The following WDR5 variants were observed in gnomAD, a reference collection of about 807,000 sequenced individuals.
The protein encoded by WDR5 is WD repeat domain 5, also known as WD repeat-containing protein 5.
For synonymous variants in WDR5, 144 were observed against 161.6 expected (o/e 0.89, Z 0.83); for missense variants, 187 against 416.9 (o/e 0.45, Z 4.80).
chr9:134,143,427 G>C (rs1471574555), intron 7 of WDR5, among the ~76,000 whole-genome samples: 5 of 152,168 alleles, frequency 3.3e-5, no homozygotes, highest in African/African-American at 1.2e-4. Context: ...TGGAATCCCA[G>C]CTCCTGGGGA....
chr9:134,154,620 G>C (rs952032270), intron 10 of WDR5, 79 bp downstream of exon 10: 1 of 1,511,926 alleles, frequency 6.6e-7, no homozygotes, highest in African/African-American at 1.4e-5. Flanking sequence ...GTGAGCCTTT[G>C]GAGAGCGTGT....
chr9:134,143,909 C>T (rs564566694), intron 7 of WDR5, among the ~76,000 whole-genome samples: 1 of 152,040 alleles, frequency 6.6e-6, no homozygotes, highest in South Asian at 2.1e-4. Flanking sequence ...CACAAAGTGG[C>T]CAGAAAGTTC....
intron 9 of WDR5, 151 bp downstream of exon 9, chr9:134,152,180 A>G: frequency 1.1e-6 from 1 of 931,692 alleles, no homozygotes; most frequent in East Asian, 2.6e-5. Flanking sequence ...CCGTTCCGCC[A>G]GCTCCCCCTG....
intron 9 of WDR5, 92 bp from the exon 10 acceptor site, chr9:134,154,374 G>A: frequency 7.5e-7 from 1 of 1,330,762 alleles, no homozygotes. Flanking sequence ...TCACTCAGAT[G>A]TCGCACGTGG....
intron 2 of WDR5, among the ~76,000 whole-genome samples, chr9:134,140,338 G>A (rs28399690): frequency 0.011 from 1,694 of 152,212 alleles, 18 homozygotes; most frequent in Middle Eastern, 0.024. Flanking sequence ...TCGGAGGGTG[G>A]GGCGCTGGAC....
upstream of WDR5, chr9:134,135,768 G>A (rs1831504724): frequency 6.6e-6 from 1 of 152,192 alleles, no homozygotes; most frequent in Non-Finnish European, 1.5e-5. Context: ...ACCTGCGCAG[G>A]TCCCGGAGGG....
Position 134,158,086 on chromosome 9 carries a change from C to A in WDR5, c.*93C>A. The A allele has an allele frequency of 8.5e-7, 1 of 1,175,150 alleles. No homozygotes were observed. The highest frequency in any genetic ancestry group is 1.3e-6 in the Non-Finnish European group (1 of 793,538). 72.8% of individuals were successfully genotyped at this position (1,175,150 alleles called of 1,614,324 possible). Reference sequence around the variant, plus strand: ...TTGGAGGTGGTCCCCCAGATCTGCGCCTGGGGGTCAGGACAGGGCCTGATT... The same window carrying A: ...TTGGAGGTGGTCCCCCAGATCTGCGACTGGGGGTCAGGACAGGGCCTGATT... On this transcript the variant is annotated 3_prime_UTR_variant, in exon 14 of 14. Transcript: ENST00000358625.
At chr9:134,142,586 T>G (rs1299204640) in intron 6 of WDR5, 50 bp from the exon 7 acceptor site, 1 of 1,604,012 alleles carries the variant, frequency 6.2e-7, no homozygotes, top group South Asian at 1.1e-5. Context: ...TCTGGGGAGG[T>G]TTGTCCCCTC....
chr9:134,154,131 G>C (rs1832633289), intron 9 of WDR5, among the ~76,000 whole-genome samples: 1 of 152,192 alleles, frequency 6.6e-6, no homozygotes. Context: ...TTGTCCCTCT[G>C]TTGAGTTGGG....
At chr9:134,145,810 C>T (rs1024885783) in intron 7 of WDR5, among the ~76,000 whole-genome samples, 2 of 152,156 alleles carry the variant, frequency 1.3e-5, no homozygotes, top group Non-Finnish European at 2.9e-5. Context: ...GTTTTTCCTG[C>T]CCTGGAGCTT....
At position 134,157,299 on chromosome 9, in the gene WDR5, T is replaced by A. The variant is rs187836949; in HGVS notation, c.905-594T>A. Among the ~76,000 whole-genome samples, 1 of 152,332 alleles carries A rather than the reference T, an allele frequency of 6.6e-6. No homozygotes were observed. The highest frequency in any genetic ancestry group is 1.9e-4 in the East Asian group (1 of 5,174). On this transcript the variant is annotated intron_variant, in intron 13 of 13. Coordinates refer to ENST00000358625, the MANE Select transcript of WDR5 (RefSeq NM_017588.3). The surrounding 1 kb of genome is among the most constrained non-coding windows in gnomAD (Gnocchi z 5.0). ...TCCTCGCCGGCGTTCTGGGGTTCTTTGGTTTACGTAGAAGCTGTAAACACT... is the reference window on the plus strand; with the variant it reads ...TCCTCGCCGGCGTTCTGGGGTTCTTAGGTTTACGTAGAAGCTGTAAACACT...
intron 12 of WDR5, among the ~76,000 whole-genome samples, chr9:134,156,201 ACAGACT>A (rs1245826951): frequency 1.3e-5 from 2 of 152,228 alleles, no homozygotes; most frequent in African/African-American, 4.8e-5. Flanking sequence ...TGTGTGACAC[ACAGACT>A]CAGAAAAGGG....
intron 6 of WDR5, 23 bp from the exon 7 acceptor site, chr9:134,142,613 A>C: frequency 6.2e-7 from 1 of 1,613,698 alleles, no homozygotes; most frequent in Non-Finnish European, 8.5e-7. Flanking sequence ...CTGTAAAATC[A>C]CTGTCATCTC....
intron 1 of WDR5, 76 bp downstream of exon 1, chr9:134,136,276 C>CGGCCGCCGCACGTGTT (rs1218452605): frequency 4.7e-5 from 7 of 149,196 alleles, no homozygotes; most frequent in Non-Finnish European, 1.0e-4. Flanking sequence ...AAACCGCACC[C>CGGCCGCCGCACGTGTT]GGCCGCCGCA....
chr9:134,148,913 G>A (rs981056835), intron 8 of WDR5, among the ~76,000 whole-genome samples: 2 of 152,196 alleles, frequency 1.3e-5, no homozygotes, highest in Non-Finnish European at 2.9e-5. Context: ...AGAAGTAGAG[G>A]TTAACTCAGC....
chr9:134,149,637 A>G (rs1473599718), intron 8 of WDR5, among the ~76,000 whole-genome samples: 6 of 152,230 alleles, frequency 3.9e-5, no homozygotes, highest in African/African-American at 1.4e-4. Context: ...CCTGGCTCTA[A>G]GAACTTTCTA....
intron 6 of WDR5, 75 bp from the exon 7 acceptor site, chr9:134,142,561 T>G: frequency 6.4e-7 from 1 of 1,567,764 alleles, no homozygotes; most frequent in Non-Finnish European, 8.8e-7. Context: ...GATGGGCTGA[T>G]AGCAGGTCTT....
chr9:134,142,068 G>A lies in WDR5; in HGVS notation c.354+30G>A, dbSNP rs775513319. 4 of 1,607,034 alleles carry A rather than the reference G, an allele frequency of 2.5e-6. No homozygotes were observed. The East Asian group carries it at 8.9e-5, about 36-fold the overall frequency. On this transcript the variant is annotated intron_variant, in intron 5 of 13. Transcript: ENST00000358625. Reference sequence around the variant, plus strand: ...GTGACACTCAGTGCTTCTCTCCAGGGGAGACCGGCTGCAGGGCACGGGGCA... The same window carrying A: ...GTGACACTCAGTGCTTCTCTCCAGGAGAGACCGGCTGCAGGGCACGGGGCA...
chr9:134,148,440 G>A, intron 8 of WDR5, 97 bp downstream of exon 8: 1 of 1,094,194 alleles, frequency 9.1e-7, no homozygotes, highest in Non-Finnish European at 1.4e-6. Context: ...AGTGACAAAA[G>A]ACCCAAGTCC....
Sources: allele counts gnomAD v4.1 joint callset (sites outside exome capture counted in the v4.1 genomes callset), GRCh38; gene constraint gnomAD v4.1.1; non-coding constraint Gnocchi (gnomAD v3.1); transcripts MANE v1.5; gene names NCBI Gene and HGNC (gene_info 2026-07-23, HGNC 2026-07-21).